Variants in SMR3B observed in about 807,000 individuals in gnomAD.
The protein encoded by SMR3B is submaxillary gland androgen-regulated protein 3B.
For synonymous variants in SMR3B, 42 were observed against 36.1 expected, an observed-to-expected ratio of 1.16 and a Z score of -0.59; for missense variants, 114 against 99.9, an observed-to-expected ratio of 1.14 and a Z score of -0.60.
intron 1 of SMR3B, 81 bp from the exon 2 acceptor site, chr4:70,384,416 A>T: frequency 6.3e-7 from 1 of 1,592,672 alleles, no homozygotes; most frequent in South Asian, 1.1e-5. Flanking sequence ...GTATTACATT[A>T]TATCCAAGTG....
At chr4:70,385,763 C>T (rs2109760770) in intron 2 of SMR3B, among the ~76,000 whole-genome samples, 1 of 152,022 alleles carries the variant, frequency 6.6e-6, no homozygotes, top group South Asian at 2.1e-4. Context: ...GGTAGTCTGA[C>T]CTTGGCTAAA....
At chr4:70,387,547 T>A (rs990962157) in intron 2 of SMR3B, among the ~76,000 whole-genome samples, 3 of 152,092 alleles carry the variant, frequency 2.0e-5, no homozygotes, top group Non-Finnish European at 4.4e-5. Context: ...TTACAGGAAG[T>A]AAAGGGAAGA....
chr4:70,389,858 C>G lies in SMR3B; in HGVS notation c.*10C>G. 6.2e-7 allele frequency: 1 copy of G among 1,613,188 alleles called. No individual in the cohort carries two copies. Among genetic ancestry groups the G allele is most frequent in the Non-Finnish European group, 8.5e-7 (1 of 1,179,432 alleles). ...CCCTCCTCAACCCTAAGGTCCACCA[C>G]TCCATCCTGATGCCCCAGGTTATCC... is the stretch of plus-strand genomic sequence containing the variant. On this transcript the variant is annotated 3_prime_UTR_variant, in exon 3 of 3. Coordinates refer to ENST00000304915, the MANE Select transcript of SMR3B (RefSeq NM_006685.4).
At chr4:70,389,402 C>G (rs146582272) in intron 2 of SMR3B, among the ~76,000 whole-genome samples, 3 of 152,170 alleles carry the variant, frequency 2.0e-5, no homozygotes, top group Non-Finnish European at 2.9e-5. Flanking sequence ...CTCCACATGG[C>G]CCTCCCCACA....
At chr4:70,387,022 T>C (rs1176207410) in intron 2 of SMR3B, among the ~76,000 whole-genome samples, 1 of 152,162 alleles carries the variant, frequency 6.6e-6, no homozygotes, top group Non-Finnish European at 1.5e-5. Flanking sequence ...AATAAAACTT[T>C]TACTGGCATG....
At chr4:70,386,051 T>A (rs575526243) in intron 2 of SMR3B, among the ~76,000 whole-genome samples, 3 of 151,856 alleles carry the variant, frequency 2.0e-5, no homozygotes, top group African/African-American at 7.2e-5. Flanking sequence ...AGGCAGGTGG[T>A]AACTTGAGGT....
intron 2 of SMR3B, among the ~76,000 whole-genome samples, chr4:70,389,347 G>A (rs1475163863): frequency 1.3e-5 from 2 of 152,054 alleles, no homozygotes; most frequent in South Asian, 2.1e-4. Context: ...TGCTGCTTAC[G>A]AGCCAGGGGC....
chr4:70,383,250 T>G (rs1271842234), intron 1 of SMR3B, 38 bp downstream of exon 1: 1 of 152,152 alleles, frequency 6.6e-6, no homozygotes, highest in Non-Finnish European at 1.5e-5. Flanking sequence ...ATTTTTACTT[T>G]GAATATTGAA....
rs2233587 is a variant in SMR3B at position 70,384,600 on chromosome 4, G to C, written c.54+36G>C. 11,392 of 1,558,624 alleles carry C rather than the reference G, an allele frequency of 7.3e-3. 419 individuals are homozygous for C. In the African/African-American group the frequency reaches 0.1, roughly 14 times the overall value. ...TTAATCACGATCACACTTCTTTATA[G>C]TTTCTCATTAACCATTACTTCAGAT... is the stretch of plus-strand genomic sequence containing the variant. On this transcript the variant is annotated intron_variant, in intron 2 of 2. Coordinates refer to ENST00000304915, the MANE Select transcript of SMR3B (RefSeq NM_006685.4).
chr4:70,388,180 T>G (rs970440136), intron 2 of SMR3B, among the ~76,000 whole-genome samples: 8 of 152,184 alleles, frequency 5.3e-5, no homozygotes, highest in African/African-American at 1.9e-4. Context: ...TCAAATGACT[T>G]CTTCTCACTA....
At position 70,389,039 on chromosome 4, in the gene SMR3B, CT is replaced by C. The variant is rs565146214; in HGVS notation, c.55-617del. Among the ~76,000 whole-genome samples, 551 of 152,214 alleles carry C rather than the reference CT, an allele frequency of 3.6e-3. 1 individual carries two copies. The highest frequency in any genetic ancestry group is 4.2e-3 in the Non-Finnish European group (288 of 67,996). On this transcript the variant is annotated intron_variant, in intron 2 of 2. Coordinates refer to ENST00000304915, the MANE Select transcript of SMR3B (RefSeq NM_006685.4). ...ACGTATTCAGAAAGCAAAAGAGAAACTTTTTTTCTTTGATAATAGACTTTCA... is the reference window on the plus strand; with the variant it reads ...ACGTATTCAGAAAGCAAAAGAGAAACTTTTTTCTTTGATAATAGACTTTCA...
chr4:70,389,959 CCTCCCTA>C lies in SMR3B; in HGVS notation c.*116_*122del, dbSNP rs1560529312. The stretch of plus-strand genomic sequence containing the variant: ...CTGTAAATTCTCCAACTGATCCTAC[CCTCCCTA>C]CTCCTGCACCCCAAATATGAACAAC... On this transcript the variant is annotated 3_prime_UTR_variant, in exon 3 of 3. Transcript: ENST00000304915. 6.3e-7 allele frequency: 1 copy of C among 1,583,036 alleles called. No individual in the cohort carries two copies. Among genetic ancestry groups the C allele is most frequent in the Admixed American group, 1.7e-5 (1 of 59,966 alleles).
At chr4:70,388,324 GT>G (rs1369187913) in intron 2 of SMR3B, among the ~76,000 whole-genome samples, 2 of 151,214 alleles carry the variant, frequency 1.3e-5, no homozygotes, top group African/African-American at 4.9e-5. Flanking sequence ...CATTGTCCAA[GT>G]TGGCCTTGAA....
At position 70,384,529 on chromosome 4, in the gene SMR3B, A is replaced by C. The variant is rs1290203874; in HGVS notation, c.19A>C (p.Ile7Leu). 1.9e-6 allele frequency: 3 copies of C among 1,610,868 alleles called. No homozygotes were observed. The African/African-American group carries it at 4.0e-5, about 22-fold the overall frequency. ...TGAAAGGATGAAATCACTGACTTGGATCTTGGGCCTTTGGGCTCTTGCAGC... is the reference window on the plus strand; with the variant it reads ...TGAAAGGATGAAATCACTGACTTGGCTCTTGGGCCTTTGGGCTCTTGCAGC... MKSLTW[I>L]LGLWALAACF... The change falls in exon 2 of 3, where the codon ATC becomes CTC. Residue 7 changes from isoleucine (I) to leucine (L), a missense_variant. Ile to Leu is a conservative substitution (Grantham distance 5). Transcript: ENST00000304915.
At chr4:70,385,851 T>TA (rs1732655081) in intron 2 of SMR3B, among the ~76,000 whole-genome samples, 1 of 152,162 alleles carries the variant, frequency 6.6e-6, no homozygotes. Context: ...GGTAATATCT[T>TA]AATGGCTTGA....
At chr4:70,384,681 C>A in intron 2 of SMR3B, 117 bp downstream of exon 2, 1 of 1,544,622 alleles carries the variant, frequency 6.5e-7, no homozygotes, top group Non-Finnish European at 8.7e-7. Context: ...TATTAATCAT[C>A]AATGAAACAC....
chr4:70,384,706 A>C, intron 2 of SMR3B, 142 bp downstream of exon 2: 2 of 1,455,494 alleles, frequency 1.4e-6, no homozygotes, highest in Non-Finnish European at 1.8e-6. Context: ...TAGGGCTTAA[A>C]TTTAAATTTA....
chr4:70,384,468 T>C (rs762100702), intron 1 of SMR3B, 29 bp from the exon 2 acceptor site: 6 of 1,589,284 alleles, frequency 3.8e-6, no homozygotes, highest in Non-Finnish European at 2.6e-6. Flanking sequence ...AAAACAATCA[T>C]ACTGATCACC....
intron 1 of SMR3B, among the ~76,000 whole-genome samples, chr4:70,383,754 A>G (rs1411480362): frequency 6.6e-6 from 1 of 152,114 alleles, no homozygotes; most frequent in African/African-American, 2.4e-5. Context: ...ACTAACAGGA[A>G]GCCAATTTGC....
Sources: gnomAD v4.1 joint callset for allele counts (sites outside exome capture counted in the v4.1 genomes callset) on GRCh38, gnomAD v4.1.1 for gene constraint, MANE v1.5 for transcripts, NCBI Gene and HGNC (gene_info 2026-07-23, HGNC 2026-07-21) for gene names.